RBM47: variants seen among roughly 807,000 people sequenced by gnomAD.
RBM47 encodes the protein RNA binding motif protein 47.
RBM47 carries 21 observed loss-of-function variants against 47.1 expected under a neutral mutation model. The observed-to-expected ratio is 0.45, with a 90% CI of 0.32 to 0.64. The LOEUF is 0.64. Among genes scored for constraint, RBM47 ranks in the 30% least tolerant of loss-of-function variants. RBM47 has a pLI of 0.05. For synonymous variants in RBM47, 375 were observed against 361.7 expected (o/e 1.04, Z -0.42); for missense variants, 708 against 870.9 (o/e 0.81, Z 2.35).
Position 40,449,568 on chromosome 4 carries a change from G to A in RBM47, c.-31-10644C>T, listed in dbSNP as rs530025008. On this transcript the variant is annotated intron_variant, in intron 3 of 6. Transcript: ENST00000295971. ...CCTTTTGCTGTGGGTTCTCAGGGAG[G>A]CCTGCTGTGTACTACAAGACGGCTG... is the stretch of plus-strand genomic sequence containing the variant. 2.6e-5 allele frequency among the ~76,000 whole-genome samples: 4 copies of A among 152,324 alleles called. No individual in the cohort carries two copies. The South Asian group carries it at 8.3e-4, about 32-fold the overall frequency.
At chr4:40,549,128 C>G (rs548784353) in intron 1 of RBM47, among the ~76,000 whole-genome samples, 64 of 151,088 alleles carry the variant, frequency 4.2e-4, no homozygotes, top group Middle Eastern at 6.9e-3. Context: ...GGACACAGAG[C>G]CTTGCTCTGT....
intron 2 of RBM47, among the ~76,000 whole-genome samples, chr4:40,483,016 T>C (rs533363809): frequency 6.6e-6 from 1 of 152,336 alleles, no homozygotes; most frequent in South Asian, 2.1e-4. Context: ...ACTAAAACTT[T>C]AGCTGCGATG....
chr4:40,541,263 C>CAAAA (rs113154815), intron 2 of RBM47, among the ~76,000 whole-genome samples: 1 of 110,826 alleles, frequency 9.0e-6, no homozygotes, highest in South Asian at 2.9e-4. Context: ...AAGATTCTCT[C>CAAAA]AAAAAAAAAA....
At chr4:40,616,078 T>C (rs1736685853) in intron 1 of RBM47, among the ~76,000 whole-genome samples, 2 of 151,984 alleles carry the variant, frequency 1.3e-5, no homozygotes, top group Non-Finnish European at 2.9e-5. Flanking sequence ...CTTGGCTGGG[T>C]GCGGTGGCTC....
rs1315115525 is a variant in RBM47 at position 40,573,755 on chromosome 4, AAG to A, written c.-239-29251_-239-29250del. ...TCTAAAAAAAGAAAAGCAAGAAAGA[AAG>A]AGAGAGAGAGAGAAAGAAAGAAAGA... On this transcript the variant is annotated intron_variant, in intron 1 of 6. Coordinates refer to ENST00000295971, the MANE Select transcript of RBM47 (RefSeq NM_001098634.2). Among the ~76,000 whole-genome samples, 193 of 145,720 alleles carry A rather than the reference AAG, an allele frequency of 1.3e-3. 1 individual carries two copies. Among genetic ancestry groups the A allele is most frequent in the African/African-American group, 4.9e-3 (180 of 36,600 alleles).
At chr4:40,436,749 T>G (rs1299276580) in intron 4 of RBM47, 102 bp from the exon 5 acceptor site, 1 of 1,100,740 alleles carries the variant, frequency 9.1e-7, no homozygotes, top group Non-Finnish European at 1.4e-6. Flanking sequence ...CAGTCTTAAT[T>G]GCAGGTGGCT....
intron 1 of RBM47, among the ~76,000 whole-genome samples, chr4:40,616,477 G>A (rs1288437910): frequency 2.6e-5 from 4 of 151,924 alleles, no homozygotes; most frequent in Non-Finnish European, 5.9e-5. Flanking sequence ...TCTCTGCTTG[G>A]GAGGTTGTAG....
intron 2 of RBM47, among the ~76,000 whole-genome samples, chr4:40,523,138 G>T (rs1200613828): frequency 6.6e-6 from 1 of 151,412 alleles, no homozygotes; most frequent in East Asian, 2.0e-4. Flanking sequence ...GCTAATTTTT[G>T]ATATTTTTAG....
At chr4:40,561,550 T>C (rs946611562) in intron 1 of RBM47, among the ~76,000 whole-genome samples, 45 of 146,944 alleles carry the variant, frequency 3.1e-4, no homozygotes, top group African/African-American at 8.8e-4. Context: ...TTTTCTTTTT[T>C]TTTTCTTTTT....
At chr4:40,543,393 G>C (rs1728728694) in intron 2 of RBM47, 1 of 152,040 alleles carries the variant, frequency 6.6e-6, no homozygotes, top group Non-Finnish European at 1.5e-5. Context: ...ATCTCACATG[G>C]GCTGTTCTGA....
At chr4:40,426,547 T>A (rs1374021487) in intron 6 of RBM47, among the ~76,000 whole-genome samples, 1 of 152,050 alleles carries the variant, frequency 6.6e-6, no homozygotes, top group African/African-American at 2.4e-5. Context: ...GTAAAAAAAT[T>A]TTTTTTCATA....
At chr4:40,496,329 AACACACACACACAC>A (rs10597716) in intron 2 of RBM47, among the ~76,000 whole-genome samples, 3 of 129,248 alleles carry the variant, frequency 2.3e-5, no homozygotes, top group African/African-American at 3.1e-5. Flanking sequence ...GGAGAACTTA[AACACACACACACAC>A]ACACACACAC....
intron 2 of RBM47, among the ~76,000 whole-genome samples, chr4:40,480,081 G>C (rs1172164487): frequency 6.7e-6 from 1 of 149,860 alleles, no homozygotes; most frequent in Non-Finnish European, 1.5e-5. Flanking sequence ...AGGTTCAAGT[G>C]ATTCTCCTGC....
chr4:40,600,747 G>A (rs1317767760), intron 1 of RBM47, among the ~76,000 whole-genome samples: 1 of 151,714 alleles, frequency 6.6e-6, no homozygotes, highest in Non-Finnish European at 1.5e-5. Context: ...AGCACTTTGG[G>A]AGGCCAAGGC....
At chr4:40,578,331 A>G (rs1020439581) in intron 1 of RBM47, among the ~76,000 whole-genome samples, 1 of 152,172 alleles carries the variant, frequency 6.6e-6, no homozygotes, top group Non-Finnish European at 1.5e-5. Flanking sequence ...CTTTCCTTCT[A>G]CTTTATAAAG....
At chr4:40,572,917 C>T (rs1459269693) in intron 1 of RBM47, among the ~76,000 whole-genome samples, 1 of 151,428 alleles carries the variant, frequency 6.6e-6, no homozygotes, top group Admixed American at 6.6e-5. Context: ...TTTGGGAGGC[C>T]GAGGCGGGCG....
intron 3 of RBM47, among the ~76,000 whole-genome samples, chr4:40,452,054 C>T (rs2154219598): frequency 6.6e-6 from 1 of 152,052 alleles, no homozygotes; most frequent in South Asian, 2.1e-4. Flanking sequence ...CCTGTAGTCT[C>T]AGCTACTTGG....
intron 1 of RBM47, among the ~76,000 whole-genome samples, chr4:40,629,078 C>T (rs1396409657): frequency 6.6e-6 from 1 of 151,950 alleles, no homozygotes; most frequent in Non-Finnish European, 1.5e-5. Context: ...ACCTGTGCTT[C>T]TGGGCGGTCC....
chr4:40,521,308 C>G (rs920553027), intron 2 of RBM47, among the ~76,000 whole-genome samples: 1 of 152,248 alleles, frequency 6.6e-6, no homozygotes, highest in East Asian at 1.9e-4. Context: ...TCAAGTGATT[C>G]TCCTGCCTCA....
Sources: gnomAD v4.1 joint callset for allele counts (sites outside exome capture counted in the v4.1 genomes callset) on GRCh38, gnomAD v4.1.1 for gene constraint, MANE v1.5 for transcripts, NCBI Gene and HGNC (gene_info 2026-07-23, HGNC 2026-07-21) for gene names.